Variants in KIRREL3 observed in about 807,000 individuals in gnomAD.
The protein encoded by KIRREL3 is kin of IRRE-like protein 3.
In KIRREL3, 36 loss-of-function variants were observed where a neutral mutation model predicts 89.7. That is an observed-to-expected ratio of 0.40 (90% CI 0.31 to 0.53). The LOEUF is 0.53. Among genes scored for constraint, KIRREL3 ranks in the 20% least tolerant of loss-of-function variants. KIRREL3 has a pLI of 0.49. For missense variants in KIRREL3, 864 were observed against 1,056.6 expected (o/e 0.82, Z 2.53); for synonymous variants, 445 against 441.4 (o/e 1.01, Z -0.10).
At chr11:126,854,985 T>A (rs1170147145) in intron 1 of KIRREL3, among the ~76,000 whole-genome samples, 1 of 152,092 alleles carries the variant, frequency 6.6e-6, no homozygotes, top group Non-Finnish European at 1.5e-5. Flanking sequence ...GGTACAGATG[T>A]GGAGTCCGAG....
rs1254729532 is a variant in KIRREL3, at chr11:126,709,810, G to T, written c.56-146898C>A. On this transcript the variant is annotated intron_variant, in intron 1 of 16. Coordinates refer to ENST00000525144, the MANE Select transcript of KIRREL3 (RefSeq NM_032531.4). The surrounding 1 kb of genome is among the most constrained non-coding windows in gnomAD (Gnocchi z 4.0). Reference sequence around the variant, plus strand: ...CACAAGATCGTGGTATTTTGTTACAGCAGCCCAGGGAAACTAATACAGGAG... The same window carrying T: ...CACAAGATCGTGGTATTTTGTTACATCAGCCCAGGGAAACTAATACAGGAG... 6.6e-6 allele frequency among the ~76,000 whole-genome samples: 1 copy of T among 152,182 alleles called. No individual in the cohort carries two copies. Among genetic ancestry groups the T allele is most frequent in the Non-Finnish European group, 1.5e-5 (1 of 68,034 alleles).
chr11:126,853,196 A>G lies in KIRREL3; in HGVS notation c.55+147259T>C, dbSNP rs187439070. ...ATCGCTGTGTGTGTTTTTTCCCTTC[A>G]GTGTCTCTCAATCCTTCTACTAGCT... On this transcript the variant is annotated intron_variant, in intron 1 of 16. Coordinates refer to ENST00000525144, the MANE Select transcript of KIRREL3 (RefSeq NM_032531.4). Among the ~76,000 whole-genome samples the G allele has an allele frequency of 2.3e-3, 356 of 152,222 alleles. 1 individual carries two copies. The highest frequency in any genetic ancestry group is 6.8e-3 in the Middle Eastern group (2 of 294).
chr11:126,534,703 T>C (rs1319746200), intron 2 of KIRREL3, among the ~76,000 whole-genome samples: 1 of 152,210 alleles, frequency 6.6e-6, no homozygotes, highest in African/African-American at 2.4e-5. Context: ...GCTTTTCCCT[T>C]TGAGGAGAGT....
intron 1 of KIRREL3, among the ~76,000 whole-genome samples, chr11:126,880,775 A>G (rs1346502087): frequency 2.0e-5 from 3 of 152,114 alleles, no homozygotes; most frequent in African/African-American, 7.2e-5. Flanking sequence ...TGCCAAGTTT[A>G]TTTTAGACCA....
intron 4 of KIRREL3, among the ~76,000 whole-genome samples, chr11:126,510,009 A>AAAAAAAAAAAG (rs1958158580): frequency 6.7e-6 from 1 of 149,998 alleles, no homozygotes; most frequent in African/African-American, 2.5e-5. Flanking sequence ...AAAAAAAAAA[A>AAAAAAAAAAAG]AAAAAAAAAG....
In KIRREL3 at chr11:126,766,816, C is replaced by G. The variant is rs1361812273; in HGVS notation, c.56-203904G>C. On this transcript the variant is annotated intron_variant, in intron 1 of 16. Transcript: ENST00000525144. The surrounding 1 kb of genome is among the most constrained non-coding windows in gnomAD (Gnocchi z 4.2). ...TAATTGTGATAGTTAAAGTGATTTG[C>G]TTACAGTAATTAGTTCCTAGGGCTC... Among the ~76,000 whole-genome samples the G allele has an allele frequency of 6.6e-6, 1 of 152,194 alleles. No individual in the cohort carries two copies.
intron 4 of KIRREL3, among the ~76,000 whole-genome samples, chr11:126,505,994 T>G (rs950926017): frequency 4.6e-5 from 7 of 152,252 alleles, no homozygotes; most frequent in Non-Finnish European, 8.8e-5. Context: ...CTAAAATAGC[T>G]GGAACCATTT....
intron 4 of KIRREL3, among the ~76,000 whole-genome samples, chr11:126,481,810 T>C (rs1315729723): frequency 2.6e-5 from 4 of 152,200 alleles, no homozygotes; most frequent in African/African-American, 4.8e-5. Context: ...TATTCACCTA[T>C]CCAGTCAACC....
intron 1 of KIRREL3, among the ~76,000 whole-genome samples, chr11:126,832,782 C>A (rs1025447100): frequency 6.6e-6 from 1 of 152,176 alleles, no homozygotes; most frequent in Non-Finnish European, 1.5e-5. Context: ...AGAAAACCTA[C>A]TCCTTTTTGG....
At chr11:126,941,277 A>G (rs577131279) in intron 1 of KIRREL3, among the ~76,000 whole-genome samples, 72 of 149,322 alleles carry the variant, frequency 4.8e-4, no homozygotes, top group Admixed American at 1.2e-3. Context: ...AAAACCCTCC[A>G]TTGTCTTTTA....
In KIRREL3 at chr11:126,931,682, C is replaced by A. The variant is rs1947955907; in HGVS notation, c.55+68773G>T. On this transcript the variant is annotated intron_variant, in intron 1 of 16. Transcript: ENST00000525144. The surrounding 1 kb of genome is among the most constrained non-coding windows in gnomAD (Gnocchi z 5.1). ...TTAAATATGGAATAGTGGCAGATAC[C>A]CATATTCATTCTTCCTTACAGCATT... 6.6e-6 allele frequency among the ~76,000 whole-genome samples: 1 copy of A among 152,130 alleles called. No individual in the cohort carries two copies. Among genetic ancestry groups the A allele is most frequent in the Non-Finnish European group, 1.5e-5 (1 of 68,044 alleles).
chr11:126,499,151 CA>C (rs33937623), intron 4 of KIRREL3, among the ~76,000 whole-genome samples: 4 of 129,136 alleles, frequency 3.1e-5, no homozygotes, highest in Non-Finnish European at 3.2e-5. Flanking sequence ...GACTCCGTTT[CA>C]AAAAAAAAAA....
chr11:126,701,647 T>A (rs1947316866), intron 1 of KIRREL3, among the ~76,000 whole-genome samples: 1 of 151,856 alleles, frequency 6.6e-6, no homozygotes, highest in Non-Finnish European at 1.5e-5. Flanking sequence ...CCCACAGAGC[T>A]CCCTTCACCA....
chr11:126,690,190 T>G (rs1373007226), intron 1 of KIRREL3, among the ~76,000 whole-genome samples: 2 of 152,178 alleles, frequency 1.3e-5, no homozygotes, highest in African/African-American at 4.8e-5. Context: ...GTAAGATCAC[T>G]GGCAGTGAGT....
intron 10 of KIRREL3, chr11:126,440,797 A>T: frequency 1.7e-6 from 1 of 576,502 alleles, no homozygotes; most frequent in Non-Finnish European, 3.1e-6. Flanking sequence ...AAATAACTGT[A>T]ATAAAAGGTG....
At chr11:126,923,363 CCTT>C (rs1223093783) in intron 1 of KIRREL3, among the ~76,000 whole-genome samples, 1 of 56,624 alleles carries the variant, frequency 1.8e-5, no homozygotes, top group Admixed American at 2.1e-4. Flanking sequence ...TTCTCCTTCT[CCTT>C]CTCCTTCTTC....
chr11:126,448,296 AAAAAAGAAAT>A, intron 8 of KIRREL3, among the ~76,000 whole-genome samples: 1 of 151,228 alleles, frequency 6.6e-6, no homozygotes, highest in Non-Finnish European at 1.5e-5. Flanking sequence ...AAAAAAAAAA[AAAAAAGAAAT>A]AAAAAGAAAA....
chr11:126,923,225 C>A (rs550571475), intron 1 of KIRREL3, among the ~76,000 whole-genome samples: 1 of 38,606 alleles, frequency 2.6e-5, no homozygotes. Flanking sequence ...TCTTCTTCTT[C>A]TTCTTCTTCT....
chr11:126,470,492 G>C (rs1956856685), intron 5 of KIRREL3, among the ~76,000 whole-genome samples: 1 of 152,206 alleles, frequency 6.6e-6, no homozygotes, highest in South Asian at 2.1e-4. Context: ...GCCCTGGAGT[G>C]ACCTCTTGGC....
Sources: allele counts gnomAD v4.1 joint callset (sites outside exome capture counted in the v4.1 genomes callset), GRCh38; gene constraint gnomAD v4.1.1; non-coding constraint Gnocchi (gnomAD v3.1); transcripts MANE v1.5; gene names NCBI Gene and HGNC (gene_info 2026-07-23, HGNC 2026-07-21).